FAM118A: variants seen among roughly 807,000 people sequenced by gnomAD.
FAM118A encodes the protein protein FAM118A.
In FAM118A, 25 loss-of-function variants were observed where a neutral mutation model predicts 38.2. The ratio of observed to expected loss-of-function variants is 0.65; its 90% confidence interval spans 0.48 to 0.91. The LOEUF (loss-of-function observed/expected upper bound fraction) is 0.91, where lower values mean the gene tolerates loss of function less well. FAM118A is among the 40% of genes least tolerant of loss of function. The pLI is 0.00. For synonymous variants in FAM118A, 178 were observed against 184.1 expected (o/e 0.97, Z 0.27); for missense variants, 425 against 463.3 (o/e 0.92, Z 0.76).
intron 1 of FAM118A, among the ~76,000 whole-genome samples, chr22:45,315,725 C>G (rs2146593932): frequency 6.6e-6 from 1 of 151,196 alleles, no homozygotes; most frequent in South Asian, 2.1e-4. Flanking sequence ...TTAGAGAGGT[C>G]TACCTGGCTG....
At chr22:45,322,797 T>A (rs2084959010) in intron 2 of FAM118A, among the ~76,000 whole-genome samples, 1 of 152,214 alleles carries the variant, frequency 6.6e-6, no homozygotes, top group African/African-American at 2.4e-5. Context: ...GAAACCAGCA[T>A]TTGCCAGTAA....
At chr22:45,312,248 C>A (rs536290051) in intron 1 of FAM118A, among the ~76,000 whole-genome samples, 59 of 152,198 alleles carry the variant, frequency 3.9e-4, no homozygotes, top group Non-Finnish European at 7.6e-4. Flanking sequence ...GAGATAGCAT[C>A]AAATCTCGCA....
At chr22:45,335,259 C>T (rs186721241) in intron 6 of FAM118A, 91 bp from the exon 7 acceptor site, 2 of 1,472,132 alleles carry the variant, frequency 1.4e-6, no homozygotes, top group Non-Finnish European at 1.9e-6. Context: ...TGTTCCCAGT[C>T]CCTGCCGTTC....
At chr22:45,322,588 T>C (rs1242484237) in intron 2 of FAM118A, among the ~76,000 whole-genome samples, 162 bp downstream of exon 2, 2 of 152,146 alleles carry the variant, frequency 1.3e-5, no homozygotes, top group East Asian at 1.9e-4. Flanking sequence ...TTGGCTTCAA[T>C]GTAAGGAACG....
At position 45,333,674 on chromosome 22, in the gene FAM118A, CA is replaced by C. The variant is rs541613789; in HGVS notation, c.937+982del. ...GGGTGACAGAGCAAGACTCTGTTTC[CA>C]AAAAAAAAAAAAAAAAAGAGCTGGG... On this transcript the variant is annotated intron_variant, in intron 6 of 8. Transcript: ENST00000441876. 6.1e-3 allele frequency among the ~76,000 whole-genome samples: 573 copies of C among 93,560 alleles called. 1 individual carries two copies. Among genetic ancestry groups the C allele is most frequent in the Non-Finnish European group, 9.6e-3 (405 of 42,312 alleles). 61.4% of individuals were successfully genotyped at this position (93,560 alleles called of 152,430 possible).
At chr22:45,321,129 A>G (rs1324311708) in intron 1 of FAM118A, among the ~76,000 whole-genome samples, 1 of 152,058 alleles carries the variant, frequency 6.6e-6, no homozygotes, top group African/African-American at 2.4e-5. Context: ...TTGTTTGTTT[A>G]TTTTTGAGAC....
intron 3 of FAM118A, among the ~76,000 whole-genome samples, chr22:45,324,555 G>T (rs2085119843): frequency 6.6e-6 from 1 of 152,218 alleles, no homozygotes. Flanking sequence ...GCCACTCATG[G>T]GTGTTCTATT....
At chr22:45,335,624 TGA>T (rs2086030090) in intron 7 of FAM118A, among the ~76,000 whole-genome samples, 1 of 152,168 alleles carries the variant, frequency 6.6e-6, no homozygotes, top group Non-Finnish European at 1.5e-5. Context: ...AGCTGGCACC[TGA>T]GAATAATTTC....
chr22:45,312,739 T>G (rs1221032603), intron 1 of FAM118A, among the ~76,000 whole-genome samples: 1 of 152,116 alleles, frequency 6.6e-6, no homozygotes, highest in Non-Finnish European at 1.5e-5. Flanking sequence ...TTATGAAAGA[T>G]ATCGCAAAGG....
chr22:45,320,360 G>A (rs1249648448), intron 1 of FAM118A, among the ~76,000 whole-genome samples: 1 of 145,730 alleles, frequency 6.9e-6, no homozygotes, highest in African/African-American at 2.6e-5. Flanking sequence ...CTCCAGCCTG[G>A]TGACAAAGCG....
At chr22:45,320,984 AAG>A (rs1432086871) in intron 1 of FAM118A, among the ~76,000 whole-genome samples, 1 of 152,362 alleles carries the variant, frequency 6.6e-6, no homozygotes, top group South Asian at 2.1e-4. Context: ...ATGTGTCAGT[AAG>A]AGAGAATTCC....
intron 6 of FAM118A, among the ~76,000 whole-genome samples, chr22:45,333,747 G>T (rs6007597): frequency 6.0e-5 from 9 of 150,164 alleles, no homozygotes; most frequent in East Asian, 2.0e-4. Context: ...AGGCTCAGGT[G>T]GGGGGATTGC....
intron 6 of FAM118A, among the ~76,000 whole-genome samples, chr22:45,334,726 T>C (rs2085964460): frequency 1.3e-5 from 2 of 152,212 alleles, no homozygotes; most frequent in African/African-American, 2.4e-5. Flanking sequence ...ATTGGGATCC[T>C]GGCCTGACTG....
At chr22:45,329,184 T>C (rs2085526942) in intron 4 of FAM118A, 1 of 152,256 alleles carries the variant, frequency 6.6e-6, no homozygotes, top group Non-Finnish European at 1.5e-5. Context: ...TTTACAGTTA[T>C]AAATAACACT....
At chr22:45,316,259 C>T (rs978735581) in intron 1 of FAM118A, among the ~76,000 whole-genome samples, 17 of 152,152 alleles carry the variant, frequency 1.1e-4, no homozygotes, top group Non-Finnish European at 2.4e-4. Context: ...AGGCTGGTCT[C>T]GACCTCCTTA....
At position 45,340,399 on chromosome 22, in the gene FAM118A, G is replaced by A. The variant is rs1186084689; in HGVS notation, c.1068G>A (p.Gly356=). The change falls in exon 9 of 9, where the codon GGG becomes GGA. Residue 356 remains glycine (G), a synonymous_variant. Coordinates refer to ENST00000441876, the MANE Select transcript of FAM118A (RefSeq NM_017911.4). The part of the protein sequence containing the change: ...RTQSDTDDAG[G]S ...TTATTTAAACAGATGATGCTGGAGG[G>A]TCTTGAAATCTTTACAGTAAAACCT... The A allele has an allele frequency of 3.1e-6, 5 of 1,614,186 alleles. No individual in the cohort carries two copies. The East Asian group carries it at 8.9e-5, about 29-fold the overall frequency.
chr22:45,327,274 C>T (rs868794236), intron 3 of FAM118A, among the ~76,000 whole-genome samples: 5 of 151,818 alleles, frequency 3.3e-5, no homozygotes, highest in East Asian at 1.9e-4. Context: ...CACTGCCTCC[C>T]GCCTCATTGA....
rs777528475 is a variant in FAM118A, at chr22:45,323,352, C to G, written c.225C>G (p.Ala75=). Reference sequence around the variant, plus strand: ...AGGTGCTGCACCCCGGAGACGTCGCCGAGTTCCGGAGGAAAGTGACAAAGG... The same window carrying G: ...AGGTGCTGCACCCCGGAGACGTCGCGGAGTTCCGGAGGAAAGTGACAAAGG... ...QLEVLHPGDV[A]EFRRKVTKDR... The change falls in exon 3 of 9, where the codon GCC becomes GCG. Residue 75 remains alanine, a synonymous_variant. Coordinates refer to ENST00000441876, the MANE Select transcript of FAM118A (RefSeq NM_017911.4). 6.2e-7 allele frequency: 1 copy of G among 1,614,140 alleles called. No individual in the cohort carries two copies.
chr22:45,324,648 C>T (rs189440119), intron 3 of FAM118A, among the ~76,000 whole-genome samples: 5 of 152,336 alleles, frequency 3.3e-5, no homozygotes, highest in African/African-American at 9.6e-5. Flanking sequence ...TTCTGACAGG[C>T]GGCCACACCC....
Sources: gnomAD v4.1 joint callset for allele counts (sites outside exome capture counted in the v4.1 genomes callset) on GRCh38, gnomAD v4.1.1 for gene constraint, MANE v1.5 for transcripts, NCBI Gene and HGNC (gene_info 2026-07-23, HGNC 2026-07-21) for gene names.